The following FGGY variants were observed in gnomAD, a reference collection of about 807,000 sequenced individuals.
FGGY encodes FGGY carbohydrate kinase domain-containing protein.
Under a neutral mutation model 71.3 loss-of-function variants are expected in FGGY, and 72 were observed. The ratio of observed to expected loss-of-function variants is 1.01; its 90% CI spans 0.84 to 1.23. FGGY has a LOEUF of 1.23. FGGY is among the 50% of genes most tolerant of loss of function. The pLI is 0.00. For missense variants in FGGY, 668 were observed against 682.3 expected, an observed-to-expected ratio of 0.98 and a Z score of 0.23; for synonymous variants, 251 against 250.3, an observed-to-expected ratio of 1.00 and a Z score of -0.02.
intron 11 of FGGY, among the ~76,000 whole-genome samples, chr1:59,643,593 G>GAA (rs2097059337): frequency 6.6e-6 from 1 of 152,090 alleles, no homozygotes; most frequent in Admixed American, 6.6e-5. Flanking sequence ...GAAAAAGGGG[G>GAA]AAATGGCAAA....
intron 5 of FGGY, among the ~76,000 whole-genome samples, chr1:59,452,890 G>A (rs2091327035): frequency 2.0e-5 from 3 of 152,186 alleles, no homozygotes; most frequent in Admixed American, 2.0e-4. Flanking sequence ...AAACCTTTGG[G>A]TGGGGGTGAC....
chr1:59,528,414 A>G (rs188285141), intron 7 of FGGY, among the ~76,000 whole-genome samples: 1 of 152,282 alleles, frequency 6.6e-6, no homozygotes. Flanking sequence ...GAACAGAGAG[A>G]ACCTTGGTCT....
chr1:59,316,212 C>T (rs527844346), intron 1 of FGGY: 8 of 152,166 alleles, frequency 5.3e-5, no homozygotes, highest in Non-Finnish European at 1.2e-4. Context: ...CAACTCCCAG[C>T]AAAGTCCAAA....
intron 4 of FGGY, among the ~76,000 whole-genome samples, chr1:59,370,775 T>C (rs1265826552): frequency 6.6e-6 from 1 of 151,332 alleles, no homozygotes; most frequent in African/African-American, 2.4e-5. Context: ...GAAAAGAATT[T>C]TCAACCCAGA....
intron 7 of FGGY, among the ~76,000 whole-genome samples, chr1:59,519,551 T>C (rs2094763767): frequency 6.6e-6 from 1 of 152,218 alleles, no homozygotes; most frequent in Non-Finnish European, 1.5e-5. Flanking sequence ...TGCTTCCTGG[T>C]AAAGTGGAAT....
chr1:59,740,640 TAC>T (rs1458459160), intron 14 of FGGY, among the ~76,000 whole-genome samples: 2 of 152,382 alleles, frequency 1.3e-5, no homozygotes, highest in African/African-American at 4.8e-5. Flanking sequence ...TATATCCAGA[TAC>T]AGTCTTTTTC....
rs146604532 is a variant in FGGY at position 59,717,919 on chromosome 1, G to A, written c.1513-40012G>A. On this transcript the variant is annotated intron_variant, in intron 14 of 15. Coordinates refer to ENST00000303721, the MANE Select transcript of FGGY (RefSeq NM_018291.5). ...TCTTCAGAGAAACCCTATTAGATTG[G>A]GGGTATTATCATCTTCTTTGTATAG... Among the ~76,000 whole-genome samples the A allele has an allele frequency of 8.4e-3, 1,273 of 152,198 alleles. 7 individuals carry two copies. Among genetic ancestry groups the A allele is most frequent in the Non-Finnish European group, 0.012 (795 of 68,012 alleles).
intron 6 of FGGY, among the ~76,000 whole-genome samples, chr1:59,464,692 A>G (rs745717729): frequency 6.6e-6 from 1 of 152,224 alleles, no homozygotes; most frequent in African/African-American, 2.4e-5. Flanking sequence ...AGGAGATATC[A>G]CCACCAATCC....
intron 14 of FGGY, among the ~76,000 whole-genome samples, chr1:59,753,467 AATAT>A (rs57074120): frequency 0.062 from 2,909 of 47,280 alleles, 49 homozygotes; most frequent in Non-Finnish European, 0.072. Flanking sequence ...CATAACTTTA[AATAT>A]ATATATATAT....
intron 5 of FGGY, among the ~76,000 whole-genome samples, chr1:59,406,887 G>A (rs1036764194): frequency 1.3e-5 from 2 of 152,056 alleles, no homozygotes; most frequent in African/African-American, 2.4e-5. Context: ...CATGATACAC[G>A]ATTCTGCAAC....
Position 59,339,966 on chromosome 1 carries a change from A to C in FGGY, c.210A>C (p.Val70=). The C allele has an allele frequency of 6.2e-7, 1 of 1,607,912 alleles. No homozygotes were observed. Among genetic ancestry groups the C allele is most frequent in the Non-Finnish European group, 8.5e-7 (1 of 1,175,264 alleles). ...ATTTGTTTTTAAAACAGAAAGTTGT[A>C]CAAGGGATTGATTTAAACCAAATTC... is the stretch of plus-strand genomic sequence containing the variant. ...AACCVVTKKV[V]QGIDLNQIRG... is the part of the protein sequence containing the mutation. Residue 70 remains valine, a synonymous_variant, in exon 3 of 16, where the codon GTA becomes GTC. Coordinates refer to ENST00000303721, the MANE Select transcript of FGGY (RefSeq NM_018291.5).
chr1:59,690,148 T>C (rs1298339994), intron 14 of FGGY, among the ~76,000 whole-genome samples: 1 of 152,148 alleles, frequency 6.6e-6, no homozygotes, highest in Non-Finnish European at 1.5e-5. Context: ...TTTCAATGAC[T>C]AGGAAACAAC....
At chr1:59,489,321 C>T (rs687890) in intron 6 of FGGY, among the ~76,000 whole-genome samples, 2 of 151,640 alleles carry the variant, frequency 1.3e-5, no homozygotes, top group Non-Finnish European at 2.9e-5. Context: ...ACTTATTACT[C>T]GCATCTAGCT....
intron 7 of FGGY, among the ~76,000 whole-genome samples, chr1:59,533,689 C>G (rs1434814233): frequency 6.7e-6 from 1 of 149,964 alleles, no homozygotes; most frequent in Admixed American, 6.6e-5. Flanking sequence ...GTCCCTGACC[C>G]CTGAACCCCG....
At chr1:59,504,340 G>A (rs1056505002) in intron 6 of FGGY, among the ~76,000 whole-genome samples, 3 of 151,996 alleles carry the variant, frequency 2.0e-5, no homozygotes, top group African/African-American at 7.3e-5. Context: ...AGACAGGGTT[G>A]TGAGAACCCC....
chr1:59,511,413 C>G (rs1295300992), intron 6 of FGGY, among the ~76,000 whole-genome samples: 1 of 150,864 alleles, frequency 6.6e-6, no homozygotes, highest in African/African-American at 2.5e-5. Flanking sequence ...ACTCCTAGCC[C>G]CTCCCTGCAG....
intron 7 of FGGY, among the ~76,000 whole-genome samples, chr1:59,534,644 T>C (rs577779648): frequency 5.8e-4 from 89 of 152,160 alleles, no homozygotes; most frequent in African/African-American, 1.9e-3. Flanking sequence ...TGGCAGAAAC[T>C]CTACAAGCCA....
Position 59,299,207 on chromosome 1 carries a change from C to T in FGGY, c.-15+2057C>T, listed in dbSNP as rs536380629. On this transcript the variant is annotated intron_variant, in intron 1 of 15. Coordinates refer to ENST00000303721, the MANE Select transcript of FGGY (RefSeq NM_018291.5). ...AGAAAGAGCGAGGGATTATATGAAC[C>T]GGGAACAGCATGTGCAGAACTACAC... Among the ~76,000 whole-genome samples, 290 of 152,138 alleles carry T rather than the reference C, an allele frequency of 1.9e-3. 1 individual carries two copies. Among genetic ancestry groups the T allele is most frequent in the Non-Finnish European group, 2.8e-3 (193 of 68,000 alleles).
intron 8 of FGGY, among the ~76,000 whole-genome samples, chr1:59,600,743 A>G (rs1027342536): frequency 6.6e-6 from 1 of 152,206 alleles, no homozygotes; most frequent in Middle Eastern, 3.2e-3. Flanking sequence ...ATCCCCATCG[A>G]CAGATAAGGA....
Sources: allele counts gnomAD v4.1 joint callset (sites outside exome capture counted in the v4.1 genomes callset), GRCh38; gene constraint gnomAD v4.1.1; transcripts MANE v1.5; gene names NCBI Gene and HGNC (gene_info 2026-07-23, HGNC 2026-07-21).